CPQ: variants seen among roughly 807,000 people sequenced by gnomAD.
CPQ encodes the protein Ser-Met dipeptidase.
Under a neutral mutation model 45.7 loss-of-function variants are expected in CPQ, and 37 were observed. The observed-to-expected ratio is 0.81, with a 90% CI of 0.62 to 1.07. CPQ has a LOEUF of 1.07. CPQ is among the 50% of genes least tolerant of loss of function. CPQ has a pLI of 0.00. For missense variants in CPQ, 537 were observed against 572.9 expected, an observed-to-expected ratio of 0.94 and a Z score of 0.64; for synonymous variants, 186 against 205.8, an observed-to-expected ratio of 0.90 and a Z score of 0.82.
intron 3 of CPQ, among the ~76,000 whole-genome samples, chr8:96,860,810 T>A (rs1464724878): frequency 6.6e-6 from 1 of 152,180 alleles, no homozygotes; most frequent in East Asian, 1.9e-4. Context: ...CCTTTTTTCC[T>A]TTTCAATGGC....
At chr8:96,954,930 T>TC (rs559857723) in intron 4 of CPQ, among the ~76,000 whole-genome samples, 76 of 152,162 alleles carry the variant, frequency 5.0e-4, no homozygotes, top group Non-Finnish European at 8.8e-4. Flanking sequence ...CATGAACTCA[T>TC]CATTTTTTAT....
intron 2 of CPQ, among the ~76,000 whole-genome samples, chr8:96,831,931 A>G (rs182842859): frequency 1.3e-5 from 2 of 152,302 alleles, no homozygotes; most frequent in Admixed American, 6.5e-5. Context: ...TAGTCAGTCT[A>G]GTCACATTTC....
At chr8:96,957,132 C>G (rs1813370634) in intron 4 of CPQ, among the ~76,000 whole-genome samples, 1 of 152,194 alleles carries the variant, frequency 6.6e-6, no homozygotes, top group Non-Finnish European at 1.5e-5. Flanking sequence ...CAGGTGTCAT[C>G]ATCATAGGAA....
chr8:96,661,601 C>G (rs1301644087), intron 1 of CPQ, among the ~76,000 whole-genome samples: 6 of 152,294 alleles, frequency 3.9e-5, no homozygotes, highest in Non-Finnish European at 8.8e-5. Flanking sequence ...TCCTCCCTGT[C>G]TCTTTATGGC....
intron 2 of CPQ, among the ~76,000 whole-genome samples, chr8:96,788,109 A>G (rs538382816): frequency 1.3e-5 from 2 of 148,326 alleles, no homozygotes; most frequent in South Asian, 2.1e-4. Flanking sequence ...AGCACTTTGA[A>G]TACATTATCG....
rs1210565477 is a variant in CPQ at position 97,122,032 on chromosome 8, CAG to C, written c.1256-20985_1256-20984del. 7.2e-5 allele frequency among the ~76,000 whole-genome samples: 11 copies of C among 152,086 alleles called. No individual in the cohort carries two copies. The East Asian group carries it at 1.7e-3, about 24-fold the overall frequency. On this transcript the variant is annotated intron_variant, in intron 7 of 7. Coordinates refer to ENST00000220763, the MANE Select transcript of CPQ (RefSeq NM_016134.4). Reference sequence around the variant, plus strand: ...AGTCTCATTTTTAAATAAAAATAAACAGAGTCTCCATGACCTGTGGGACAACA... The same window carrying C: ...AGTCTCATTTTTAAATAAAAATAAACAGTCTCCATGACCTGTGGGACAACA...
intron 5 of CPQ, among the ~76,000 whole-genome samples, chr8:97,005,119 T>C (rs1388800632): frequency 6.6e-6 from 1 of 151,910 alleles, no homozygotes. Flanking sequence ...TCTCACTCTG[T>C]TGCCCAGGCT....
chr8:96,785,360 A>T, intron 2 of CPQ, 30 bp downstream of exon 2: 1 of 1,523,010 alleles, frequency 6.6e-7, no homozygotes, highest in Non-Finnish European at 8.9e-7. Context: ...TTTGATTTGT[A>T]TTTTATAAAA....
intron 2 of CPQ, among the ~76,000 whole-genome samples, chr8:96,826,371 G>C (rs1213085218): frequency 6.6e-6 from 1 of 151,884 alleles, no homozygotes; most frequent in South Asian, 2.1e-4. Flanking sequence ...TTTAAATTCA[G>C]AGCCCCTGAA....
intron 2 of CPQ, among the ~76,000 whole-genome samples, chr8:96,798,338 G>A (rs1375656867): frequency 2.0e-5 from 3 of 151,844 alleles, no homozygotes; most frequent in Non-Finnish European, 4.4e-5. Context: ...TTACTATGTT[G>A]CCCAGGCTGG....
At chr8:97,041,998 A>C (rs1810135250) in intron 6 of CPQ, among the ~76,000 whole-genome samples, 1 of 152,176 alleles carries the variant, frequency 6.6e-6, no homozygotes, top group African/African-American at 2.4e-5. Context: ...TGCTGGCCTC[A>C]TAAAATGAGT....
chr8:97,042,480 T>A (rs2130491769), intron 6 of CPQ, among the ~76,000 whole-genome samples: 1 of 152,336 alleles, frequency 6.6e-6, no homozygotes, highest in African/African-American at 2.4e-5. Context: ...TGTGTCTCTA[T>A]TTCCTTCAGT....
At chr8:96,706,047 A>G (rs893174649) in intron 1 of CPQ, among the ~76,000 whole-genome samples, 2 of 151,896 alleles carry the variant, frequency 1.3e-5, no homozygotes, top group African/African-American at 4.8e-5. Flanking sequence ...TGCTGTTCCC[A>G]TGTTTGAGGA....
chr8:96,911,071 C>G (rs1812654547), intron 4 of CPQ, among the ~76,000 whole-genome samples: 1 of 151,974 alleles, frequency 6.6e-6, no homozygotes, highest in Non-Finnish European at 1.5e-5. Context: ...GATGTGAATA[C>G]TATAAGACCA....
chr8:97,139,171 T>C (rs1172011366), intron 7 of CPQ, among the ~76,000 whole-genome samples: 4 of 152,146 alleles, frequency 2.6e-5, no homozygotes, highest in Middle Eastern at 3.2e-3. Flanking sequence ...AAAAGCAACA[T>C]TACAGATGAG....
chr8:96,990,494 A>C (rs1586483194), intron 5 of CPQ, among the ~76,000 whole-genome samples: 1 of 152,154 alleles, frequency 6.6e-6, no homozygotes, highest in South Asian at 2.1e-4. Flanking sequence ...AGCTTTTGGG[A>C]GGGTAAAAGA....
intron 1 of CPQ, among the ~76,000 whole-genome samples, chr8:96,669,655 A>G (rs1401412694): frequency 1.3e-5 from 2 of 152,256 alleles, no homozygotes; most frequent in Non-Finnish European, 2.9e-5. Context: ...TATATCAACA[A>G]TTACATTAAA....
chr8:96,874,709 T>C (rs1812122864), intron 3 of CPQ, among the ~76,000 whole-genome samples: 1 of 151,906 alleles, frequency 6.6e-6, no homozygotes, highest in Non-Finnish European at 1.5e-5. Flanking sequence ...CATATGGCTA[T>C]ACTGCATTTT....
chr8:96,694,632 C>T (rs956632840), intron 1 of CPQ, among the ~76,000 whole-genome samples: 1 of 151,958 alleles, frequency 6.6e-6, no homozygotes. Context: ...ACTTTGGAAA[C>T]AACAAACACA....
Sources: allele counts gnomAD v4.1 joint callset (sites outside exome capture counted in the v4.1 genomes callset), GRCh38; gene constraint gnomAD v4.1.1; transcripts MANE v1.5; gene names NCBI Gene and HGNC (gene_info 2026-07-23, HGNC 2026-07-21).